Variants in IGSF10 observed in about 807,000 individuals in gnomAD.
IGSF10 encodes the protein immunoglobulin superfamily member 10.
In IGSF10, 126 loss-of-function variants were observed where a neutral mutation model predicts 128.2. That is an observed-to-expected ratio of 0.98 (90% CI 0.85 to 1.14). IGSF10 has a LOEUF of 1.14. Ranked by LOEUF, IGSF10 falls within the 50% of genes most tolerant of loss-of-function variation. The pLI is 0.00. For synonymous variants in IGSF10, 1,185 were observed against 1,146.2 expected (o/e 1.03, Z -0.68); for missense variants, 3,295 against 3,149.8 (o/e 1.05, Z -1.10).
the IGSF10 span, among the ~76,000 whole-genome samples, chr3:151,488,543 T>C: frequency 6.6e-6 from 1 of 152,180 alleles, no homozygotes; most frequent in Non-Finnish European, 1.5e-5. Context: ...AGAACAAAGC[T>C]GGAGGCATCA....
Position 151,445,654 on chromosome 3 carries a change from A to G in IGSF10, c.4327T>C (p.Ser1443Pro). 2.5e-6 allele frequency: 4 copies of G among 1,614,208 alleles called. No individual in the cohort carries two copies. The highest frequency in any genetic ancestry group is 3.4e-6 in the Non-Finnish European group (4 of 1,180,036). Residue 1443 changes from serine to proline, a missense_variant, in exon 6 of 8, where the codon TCC becomes CCC. Ser to Pro is a moderately conservative substitution (Grantham distance 74). Coordinates refer to ENST00000282466, the MANE Select transcript of IGSF10 (RefSeq NM_178822.5). ...GTGGTACTCTGGTGTGATTTGCTGG[A>G]CAAAGTTGTTTCAGAAGCAATTGTG... ...KSTIASETTLSSKSHQSTTTR... is the reference protein window; with the variant it reads ...KSTIASETTLPSKSHQSTTTR...
the IGSF10 span, among the ~76,000 whole-genome samples, chr3:151,586,035 A>T: frequency 2.5e-3 from 373 of 149,492 alleles, 15 homozygotes; most frequent in East Asian, 0.067. Flanking sequence ...GCTGGAGTGC[A>T]GTGTTGTGAT....
chr3:151,442,547 A>ATTT (rs3975406), intron 7 of IGSF10, among the ~76,000 whole-genome samples: 1 of 125,544 alleles, frequency 8.0e-6, no homozygotes, highest in African/African-American at 3.2e-5. Context: ...TGCCCGGCTA[A>ATTT]TTTTTTTTTT....
chr3:151,536,302 C>G, the IGSF10 span, among the ~76,000 whole-genome samples: 1 of 152,132 alleles, frequency 6.6e-6, no homozygotes, highest in African/African-American at 2.4e-5. Flanking sequence ...CCTCTCAACT[C>G]CACCTACGGA....
chr3:151,447,752 A>C lies in IGSF10; in HGVS notation c.2229T>G (p.His743Gln). 1 of 1,614,086 alleles carries C rather than the reference A, an allele frequency of 6.2e-7. No individual in the cohort carries two copies. Among genetic ancestry groups the C allele is most frequent in the Non-Finnish European group, 8.5e-7 (1 of 1,179,998 alleles). Residue 743 changes from histidine to glutamine, a missense_variant, in exon 6 of 8, where the codon CAT becomes CAG. Transcript: ENST00000282466. ...CAATTCTCCTAGCAGAGGGAGGGAA[A>C]TGCCTCCTATTCTCCCTAAAACGTC... is the stretch of plus-strand genomic sequence containing the variant. ...THRRFRENRR[H>Q]FPPSARRIDP... is the part of the protein sequence containing the mutation.
chr3:151,444,719 CA>C (rs1413781094), intron 6 of IGSF10, among the ~76,000 whole-genome samples, 199 bp downstream of exon 6: 1 of 152,014 alleles, frequency 6.6e-6, no homozygotes, highest in African/African-American at 2.4e-5. Flanking sequence ...TGAGGCATTC[CA>C]AAAAATGTTC....
the IGSF10 span, among the ~76,000 whole-genome samples, chr3:151,564,635 A>G: frequency 6.4e-4 from 98 of 152,228 alleles, 1 homozygote; most frequent in African/African-American, 2.2e-3. Flanking sequence ...AGTTGGCCAT[A>G]GTTTTTACCA....
Position 151,445,674 on chromosome 3 carries a change from A to G in IGSF10, c.4307T>C (p.Ile1436Thr), listed in dbSNP as rs142218021. 44 of 1,614,078 alleles carry G rather than the reference A, an allele frequency of 2.7e-5. No homozygotes were observed. The African/African-American group carries it at 3.2e-4, about 12-fold the overall frequency. The change falls in exon 6 of 8, where the codon ATT becomes ACT. Residue 1436 changes from isoleucine (I) to threonine (T), a missense_variant. Transcript: ENST00000282466. ...QASTQTLKST[I>T]ASETTLSSKS... The stretch of plus-strand genomic sequence containing the variant: ...GCTGGACAAAGTTGTTTCAGAAGCA[A>G]TTGTGCTCTTCAAAGTCTGAGTACT...
At chr3:151,508,230 G>C in the IGSF10 span, among the ~76,000 whole-genome samples, 3 of 151,876 alleles carry the variant, frequency 2.0e-5, no homozygotes, top group Non-Finnish European at 4.4e-5. Flanking sequence ...AATTGAAGGG[G>C]TAAAAAATAG....
At chr3:151,464,051 G>A (rs998749133), upstream of IGSF10, among the ~76,000 whole-genome samples, 7 of 152,006 alleles carry the variant, frequency 4.6e-5, no homozygotes, top group African/African-American at 7.2e-5. Context: ...ACTTTATTTT[G>A]TAATTGTAAC....
the IGSF10 span, among the ~76,000 whole-genome samples, chr3:151,572,464 C>G: frequency 6.6e-6 from 1 of 152,030 alleles, no homozygotes; most frequent in Non-Finnish European, 1.5e-5. Context: ...TGTATGTGTC[C>G]AGGAATTTAT....
intron 7 of IGSF10, among the ~76,000 whole-genome samples, chr3:151,439,365 C>A (rs1316304513): frequency 1.3e-5 from 2 of 152,242 alleles, no homozygotes; most frequent in African/African-American, 2.4e-5. Flanking sequence ...GTAATCCCAG[C>A]ATTTTGGGAG....
chr3:151,458,794 G>A, intron 2 of IGSF10, 84 bp from the exon 3 acceptor site: 1 of 1,178,316 alleles, frequency 8.5e-7, no homozygotes, highest in Non-Finnish European at 1.2e-6. Flanking sequence ...GGGAATCTGG[G>A]AGACCTTCTT....
the IGSF10 span, among the ~76,000 whole-genome samples, chr3:151,504,511 T>A: frequency 6.6e-6 from 1 of 152,220 alleles, no homozygotes; most frequent in Non-Finnish European, 1.5e-5. Flanking sequence ...ATTGTTCTCT[T>A]AAATATTGAC....
At chr3:151,592,221 TACACACACACACACACACAC>T in the IGSF10 span, among the ~76,000 whole-genome samples, 75,288 of 150,398 alleles carry the variant, frequency 0.5, 19,055 homozygotes, top group South Asian at 0.62. Flanking sequence ...TTGAGATTAA[TACACACACACACACACACAC>T]ACACACACAC....
At chr3:151,471,216 C>A in the IGSF10 span, among the ~76,000 whole-genome samples, 1 of 152,198 alleles carries the variant, frequency 6.6e-6, no homozygotes, top group African/African-American at 2.4e-5. Context: ...GCTACTCATT[C>A]ACCTTCTGCT....
At chr3:151,534,801 ATGTGTGTGTG>A in the IGSF10 span, among the ~76,000 whole-genome samples, 1 of 149,078 alleles carries the variant, frequency 6.7e-6, no homozygotes, top group Non-Finnish European at 1.5e-5. Flanking sequence ...TTTAAAGTGT[ATGTGTGTGTG>A]TGTGTGTGTG....
In IGSF10 at chr3:151,460,955, C is replaced by T. The variant is rs1469519530; in HGVS notation, c.-98G>A. On this transcript the variant is annotated 5_prime_UTR_variant, in exon 1 of 8. Coordinates refer to ENST00000282466, the MANE Select transcript of IGSF10 (RefSeq NM_178822.5). Reference sequence around the variant, plus strand: ...TGGCCGAGGCGCTCACCTGTTTGCCCTGGTGACCAATGGGCTCGAGCTGCC... The same window carrying T: ...TGGCCGAGGCGCTCACCTGTTTGCCTTGGTGACCAATGGGCTCGAGCTGCC... The T allele has an allele frequency of 1.0e-6, 1 of 985,266 alleles. No individual in the cohort carries two copies. The highest frequency in any genetic ancestry group is 1.2e-6 in the Non-Finnish European group (1 of 829,930). The allele number at this position is 985,266 out of a possible 1,614,324, so 61.0% of individuals were successfully genotyped here.
At chr3:151,544,731 T>C in the IGSF10 span, among the ~76,000 whole-genome samples, 2 of 152,000 alleles carry the variant, frequency 1.3e-5, no homozygotes, top group Non-Finnish European at 2.9e-5. Context: ...TGAAATGCAT[T>C]GTGATGTCCT....
Sources: gnomAD v4.1 joint callset for allele counts (sites outside exome capture counted in the v4.1 genomes callset) on GRCh38, gnomAD v4.1.1 for gene constraint, MANE v1.5 for transcripts, NCBI Gene and HGNC (gene_info 2026-07-23, HGNC 2026-07-21) for gene names.